MYO10: variants seen among roughly 807,000 people sequenced by gnomAD.
The protein encoded by MYO10 is myosin X, also known as unconventional myosin-X.
A neutral mutation model predicts 257.3 loss-of-function variants in MYO10; 133 were observed. The ratio of observed to expected loss-of-function variants is 0.52; its 90% CI spans 0.45 to 0.60. The LOEUF is 0.60. MYO10 is among the 20% of genes least tolerant of loss of function. MYO10 has a pLI of 0.00. For synonymous variants in MYO10, 1,104 were observed against 1,028.6 expected, an observed-to-expected ratio of 1.07 and a Z score of -1.40; for missense variants, 2,399 against 2,635.7, an observed-to-expected ratio of 0.91 and a Z score of 1.97.
chr5:16,804,091 A>G (rs1457200134), intron 3 of MYO10, among the ~76,000 whole-genome samples: 1 of 152,160 alleles, frequency 6.6e-6, no homozygotes, highest in Admixed American at 6.6e-5. Context: ...AATGTGCCAC[A>G]CTGTGGATCT....
Position 16,681,867 on chromosome 5 carries a change from TC to T in MYO10, c.4189+3del. 6.2e-7 allele frequency: 1 copy of T among 1,613,638 alleles called. No individual in the cohort carries two copies. The highest frequency in any genetic ancestry group is 8.5e-7 in the Non-Finnish European group (1 of 1,179,652). ...CAGACCGAGGAAGCAGGGCAGGCAG[TC>T]ACCTCTCACGATGAATTCCTGGCCC... is the stretch of plus-strand genomic sequence containing the variant. On this transcript the variant is annotated splice_donor_region_variant and intron_variant, in intron 31 of 40. Transcript: ENST00000513610.
At position 16,663,209 on chromosome 5, in the gene MYO10, G is replaced by A. The variant is rs1241678464; in HGVS notation, c.*3483C>T. ...ATATGTATGTATGAGTAAATGATTG[G>A]ACAGCTTAAATTATTTTTGAGAGAA... On this transcript the variant is annotated 3_prime_UTR_variant, in exon 41 of 41. Coordinates refer to ENST00000513610, the MANE Select transcript of MYO10 (RefSeq NM_012334.3). The A allele has an allele frequency of 6.6e-6, 1 of 151,928 alleles. No individual in the cohort carries two copies. The highest frequency in any genetic ancestry group is 2.4e-5 in the African/African-American group (1 of 41,358). The allele number at this position is 151,928 out of a possible 1,614,324, so 9.4% of individuals were successfully genotyped here.
chr5:16,933,237 T>C lies in MYO10; in HGVS notation c.21+2551A>G, dbSNP rs147713624. ...TTTCGGGTTGTCACAACTTGGGGGATAGGGTTAACAATTACTGAGTAGAGT... is the reference window on the plus strand; with the variant it reads ...TTTCGGGTTGTCACAACTTGGGGGACAGGGTTAACAATTACTGAGTAGAGT... On this transcript the variant is annotated intron_variant, in intron 1 of 40. Transcript: ENST00000513610. Among the ~76,000 whole-genome samples, 79 of 152,242 alleles carry C rather than the reference T, an allele frequency of 5.2e-4. 1 individual carries two copies. Among genetic ancestry groups the C allele is most frequent in the African/African-American group, 1.9e-3 (77 of 41,516 alleles).
At chr5:16,899,390 T>G (rs1163751164) in intron 1 of MYO10, among the ~76,000 whole-genome samples, 1 of 151,932 alleles carries the variant, frequency 6.6e-6, no homozygotes, top group Non-Finnish European at 1.5e-5. Context: ...ATCCCGGCAC[T>G]TCGGGAGGTG....
intron 19 of MYO10, among the ~76,000 whole-genome samples, chr5:16,728,182 C>T (rs1326740614): frequency 6.6e-6 from 1 of 152,198 alleles, no homozygotes; most frequent in Non-Finnish European, 1.5e-5. Flanking sequence ...CAGCCCTGCA[C>T]CTGCCGCTCC....
chr5:16,871,929 T>C (rs763280556), intron 2 of MYO10, among the ~76,000 whole-genome samples: 2 of 152,212 alleles, frequency 1.3e-5, no homozygotes, highest in Non-Finnish European at 2.9e-5. Flanking sequence ...AACATAAAAC[T>C]AAGCATTCGA....
intron 2 of MYO10, among the ~76,000 whole-genome samples, chr5:16,831,192 C>T (rs562737760): frequency 3.0e-4 from 45 of 152,148 alleles, no homozygotes; most frequent in African/African-American, 9.6e-4. Flanking sequence ...CCTGCAGGAA[C>T]GGCCACAGTC....
chr5:16,758,292 T>C (rs1471294026), intron 17 of MYO10, 66 bp from the exon 18 acceptor site: 1 of 1,060,904 alleles, frequency 9.4e-7, no homozygotes, highest in East Asian at 2.4e-5. Context: ...AAGATTATTG[T>C]AATTAATGGT....
intron 32 of MYO10, among the ~76,000 whole-genome samples, chr5:16,680,705 T>C (rs538819121): frequency 1.3e-5 from 2 of 152,374 alleles, no homozygotes; most frequent in African/African-American, 4.8e-5. Context: ...AAGTTACCTG[T>C]GTACTTTCTA....
intron 1 of MYO10, among the ~76,000 whole-genome samples, chr5:16,893,196 C>CAAACAAAAAAAAAAAAA (rs538239809): frequency 4.3e-5 from 3 of 69,614 alleles, no homozygotes; most frequent in Non-Finnish European, 8.0e-5. Flanking sequence ...GACTCTGTCT[C>CAAACAAAAAAAAAAAAA]AAAAAAAAAA....
chr5:16,698,492 AAAT>A (rs1198139849), intron 26 of MYO10, among the ~76,000 whole-genome samples: 1 of 152,248 alleles, frequency 6.6e-6, no homozygotes, highest in Non-Finnish European at 1.5e-5. Context: ...CATACAATGC[AAAT>A]GCTCATCATG....
In MYO10 at chr5:16,681,459, G is replaced by A. The variant is rs1736998001; in HGVS notation, c.4234C>T (p.Leu1412=). 1.4e-5 allele frequency: 23 copies of A among 1,613,810 alleles called. No individual in the cohort carries two copies. Among genetic ancestry groups the A allele is most frequent in the Non-Finnish European group, 1.9e-5 (23 of 1,179,826 alleles). The part of the protein sequence containing the change: ...EVKNSPKMSS[L]KLKKRWFVLT... ...ACAAACCACCGTTTCTTCAGTTTCA[G>A]TGAAGACATCTTTGGACTGTTCTTC... Residue 1412 remains leucine (L), a synonymous_variant, in exon 32 of 41, where the codon CTG becomes TTG. Coordinates refer to ENST00000513610, the MANE Select transcript of MYO10 (RefSeq NM_012334.3).
chr5:16,708,749 G>GA (rs141263032), intron 21 of MYO10, among the ~76,000 whole-genome samples: 1,615 of 152,206 alleles, frequency 0.011, 8 homozygotes, highest in Non-Finnish European at 0.015. Flanking sequence ...TTTCAGTAGA[G>GA]AAAAGGTCTC....
intron 19 of MYO10, among the ~76,000 whole-genome samples, chr5:16,722,720 C>G (rs138106163): frequency 6.6e-6 from 1 of 152,096 alleles, no homozygotes; most frequent in African/African-American, 2.4e-5. Flanking sequence ...ATGTAAATCA[C>G]AAAACTATAA....
At chr5:16,841,501 G>A (rs949106972) in intron 2 of MYO10, among the ~76,000 whole-genome samples, 4 of 152,108 alleles carry the variant, frequency 2.6e-5, no homozygotes, top group Non-Finnish European at 5.9e-5. Flanking sequence ...TTATCTCTGC[G>A]AACTTAATAC....
chr5:16,823,467 G>GTTTT (rs1561003861), intron 2 of MYO10, among the ~76,000 whole-genome samples: 1 of 3,982 alleles, frequency 2.5e-4, no homozygotes, highest in African/African-American at 9.8e-4. Flanking sequence ...GGGGAGTGGG[G>GTTTT]ATTTTTTTTT....
chr5:16,882,002 T>C (rs1744766927), intron 1 of MYO10, among the ~76,000 whole-genome samples: 1 of 152,230 alleles, frequency 6.6e-6, no homozygotes, highest in Non-Finnish European at 1.5e-5. Context: ...GATCATAACA[T>C]ACACATTTTA....
intron 2 of MYO10, among the ~76,000 whole-genome samples, chr5:16,871,855 C>T (rs77689636): frequency 0.02 from 3,021 of 152,216 alleles, 62 homozygotes; most frequent in African/African-American, 0.054. Flanking sequence ...CTCATAACCC[C>T]GCAATTCCTA....
chr5:16,701,066 G>T lies in MYO10; in HGVS notation c.3329C>A (p.Ser1110Tyr). 1 of 1,573,230 alleles carries T rather than the reference G, an allele frequency of 6.4e-7. No individual in the cohort carries two copies. The highest frequency in any genetic ancestry group is 1.3e-5 in the African/African-American group (1 of 74,102). Residue 1110 changes from serine to tyrosine, a missense_variant, in exon 25 of 41, where the codon TCC becomes TAC. Coordinates refer to ENST00000513610, the MANE Select transcript of MYO10 (RefSeq NM_012334.3). This position sits in a 1 kb window ranked among gnomAD's most constrained non-coding sequence, Gnocchi z 8.1. ...GGACCACTGGCTGCCGTAGGAGTTG[G>T]AGAAGGTCACGCTGCTGCCGGAAGT... Reference protein sequence around the residue: ...AITSGSSVTFSNSYGSQWSPD... With the variant: ...AITSGSSVTFYNSYGSQWSPD...
Sources: allele counts gnomAD v4.1 joint callset (sites outside exome capture counted in the v4.1 genomes callset), GRCh38; gene constraint gnomAD v4.1.1; non-coding constraint Gnocchi (gnomAD v3.1); transcripts MANE v1.5; gene names NCBI Gene and HGNC (gene_info 2026-07-23, HGNC 2026-07-21).